LRRC74B: variants seen among roughly 807,000 people sequenced by gnomAD.
LRRC74B encodes leucine rich repeat containing 74B.
In LRRC74B, 30 loss-of-function variants were observed where a neutral mutation model predicts 16.6. The ratio of observed to expected loss-of-function variants is 1.80; its 90% CI spans 1.35 to 2.45. The LOEUF (loss-of-function observed/expected upper bound fraction) is 2.45. LRRC74B is among the 30% of genes most tolerant of loss of function. The pLI is 0.00. For missense variants in LRRC74B, 326 were observed against 202.4 expected (o/e 1.61, Z -3.71); for synonymous variants, 134 against 86.0 (o/e 1.56, Z -3.09).
intron 6 of LRRC74B, among the ~76,000 whole-genome samples, chr22:21,054,453 A>G (rs1930319994): frequency 6.6e-6 from 1 of 152,188 alleles, no homozygotes; most frequent in Non-Finnish European, 1.5e-5. Context: ...GAGGGAAGAA[A>G]AGAGGCGGAT....
chr22:21,058,513 C>CA (rs902254312), intron 8 of LRRC74B, among the ~76,000 whole-genome samples: 9 of 149,336 alleles, frequency 6.0e-5, no homozygotes, highest in African/African-American at 1.7e-4. Flanking sequence ...GATTCTGTCT[C>CA]AAAAAAAAAG....
chr22:21,049,600 G>A (rs1182682061), intron 4 of LRRC74B: 6 of 165,940 alleles, frequency 3.6e-5, no homozygotes, highest in Non-Finnish European at 1.3e-5. Context: ...AGTCAGCCAT[G>A]GCAAGATCAG....
chr22:21,056,371 G>T (rs1930517196), intron 7 of LRRC74B, among the ~76,000 whole-genome samples: 1 of 152,014 alleles, frequency 6.6e-6, no homozygotes, highest in South Asian at 2.1e-4. Context: ...ATGTGGTGAT[G>T]CACACCTATA....
At chr22:21,053,580 C>T in intron 6 of LRRC74B, 105 bp downstream of exon 6, 1 of 634,478 alleles carries the variant, frequency 1.6e-6, no homozygotes. Flanking sequence ...GGGCTTGAGC[C>T]ACAATCCCAG....
intron 4 of LRRC74B, among the ~76,000 whole-genome samples, chr22:21,052,005 G>A (rs1424386296): frequency 6.6e-6 from 1 of 152,142 alleles, no homozygotes; most frequent in African/African-American, 2.4e-5. Flanking sequence ...CCCCAAGACA[G>A]GCTGGCCACC....
chr22:21,056,797 T>C, intron 7 of LRRC74B: 2 of 295,136 alleles, frequency 6.8e-6, no homozygotes, highest in Non-Finnish European at 1.3e-5. Context: ...ACTCACTCAC[T>C]GCGCTGATCA....
At chr22:21,050,528 C>T (rs1254855406) in intron 4 of LRRC74B, among the ~76,000 whole-genome samples, 1 of 151,664 alleles carries the variant, frequency 6.6e-6, no homozygotes, top group African/African-American at 2.4e-5. Context: ...CCTGTAATCC[C>T]AGCACTTTGG....
intron 8 of LRRC74B, 123 bp downstream of exon 8, chr22:21,057,323 A>G: frequency 1.6e-6 from 1 of 624,064 alleles, no homozygotes; most frequent in South Asian, 1.9e-5. Context: ...ACAGCGTGGC[A>G]GAAGCAGAGT....
rs9625424 is a variant in LRRC74B, at chr22:21,052,170, G to A, written c.623-79G>A. ...TGACCCTCCTGCCCAGCAGAGGCTC[G>A]GCACGCAGTGGGCATCAGTGTGATC... On this transcript the variant is annotated intron_variant, in intron 4 of 8. Coordinates refer to ENST00000442047, the Ensembl canonical transcript of LRRC74B. 3.0e-3 allele frequency: 2,101 copies of A among 700,990 alleles called. 29 individuals are homozygous for A. Among genetic ancestry groups the A allele is most frequent in the African/African-American group, 0.027 (1,552 of 57,154 alleles). The allele number at this position is 700,990 out of a possible 1,614,324, so 43.4% of individuals were successfully genotyped here.
chr22:21,060,015 G>A (rs1322203472), intron 8 of LRRC74B, among the ~76,000 whole-genome samples: 1 of 151,856 alleles, frequency 6.6e-6, no homozygotes, highest in Non-Finnish European at 1.5e-5. Flanking sequence ...TGGAAATACA[G>A]CATAGCCGGG....
intron 7 of LRRC74B, among the ~76,000 whole-genome samples, chr22:21,056,363 G>A (rs1264883639): frequency 6.6e-6 from 1 of 152,080 alleles, no homozygotes; most frequent in Non-Finnish European, 1.5e-5. Context: ...TGAGCCAGAT[G>A]TGGTGATGCA....
intron 4 of LRRC74B, among the ~76,000 whole-genome samples, chr22:21,050,691 T>C (rs1004709810): frequency 1.4e-5 from 2 of 145,680 alleles, no homozygotes; most frequent in Non-Finnish European, 3.0e-5. Context: ...GGCAGGAGAA[T>C]GGCATGAACC....
chr22:21,049,829 T>C (rs150336663), intron 4 of LRRC74B, among the ~76,000 whole-genome samples: 23 of 152,232 alleles, frequency 1.5e-4, no homozygotes, highest in African/African-American at 4.8e-4. Flanking sequence ...ATCTCATCAC[T>C]GTCATGCCCC....
At chr22:21,063,123 G>A (rs1233637039), downstream of LRRC74B, 2 of 151,970 alleles carry the variant, frequency 1.3e-5, no homozygotes, top group Non-Finnish European at 2.9e-5. Flanking sequence ...TGAGGCAGGA[G>A]GATCATTTGA....
chr22:21,047,270 T>C lies in LRRC74B; in HGVS notation c.140-86T>C, dbSNP rs1929522876. ...AAGCAGTGCTTCTAGAGGCAAAACA[T>C]AGGCCAGGTAGTGACACAGGGCAGG... On this transcript the variant is annotated intron_variant, in intron 1 of 8. Coordinates refer to ENST00000442047, the Ensembl canonical transcript of LRRC74B. 6 of 645,720 alleles carry C rather than the reference T, an allele frequency of 9.3e-6. No homozygotes were observed. In the East Asian group the frequency reaches 1.7e-4, roughly 18 times the overall value. 40.0% of individuals were successfully genotyped at this position (645,720 alleles called of 1,614,324 possible).
intron 4 of LRRC74B, among the ~76,000 whole-genome samples, chr22:21,051,101 G>C (rs535079319): frequency 6.6e-6 from 1 of 152,092 alleles, no homozygotes; most frequent in African/African-American, 2.4e-5. Context: ...GCAGTGAGCC[G>C]TGATTGTCCC....
chr22:21,060,638 G>A (rs184717131), downstream of LRRC74B: 1,036 of 612,720 alleles, frequency 1.7e-3, 1 homozygote, highest in Middle Eastern at 2.5e-3. Context: ...GAGTCCTCAC[G>A]TCAGCCGTGT....
chr22:21,050,412 G>C (rs900169796), intron 4 of LRRC74B, among the ~76,000 whole-genome samples: 1 of 152,104 alleles, frequency 6.6e-6, no homozygotes, highest in Non-Finnish European at 1.5e-5. Flanking sequence ...TGGCCTGTGA[G>C]AATTGCCTCT....
At chr22:21,049,034 A>G (rs1323222315) in exon 4 of LRRC74B, 2 of 715,824 alleles carry the variant, frequency 2.8e-6, no homozygotes, top group Admixed American at 2.0e-5. Flanking sequence ...GGCCATGCGG[A>G]AGATGCAGCT....
Sources: gnomAD v4.1 joint callset for allele counts (sites outside exome capture counted in the v4.1 genomes callset) on GRCh38, gnomAD v4.1.1 for gene constraint, MANE v1.5 for transcripts, NCBI Gene and HGNC (gene_info 2026-07-23, HGNC 2026-07-21) for gene names.